The following SPATA16 variants were observed in gnomAD, a reference collection of about 807,000 sequenced individuals.
SPATA16 encodes spermatogenesis associated 16.
A neutral mutation model predicts 63.3 loss-of-function variants in SPATA16; 36 were observed. The observed-to-expected ratio is 0.57, with a 90% confidence interval of 0.44 to 0.75. The LOEUF (loss-of-function observed/expected upper bound fraction) is 0.75, where lower values mean the gene tolerates loss of function less well. Among genes scored for constraint, SPATA16 ranks in the 30% least tolerant of loss-of-function variants. SPATA16 has a pLI of 0.00. For synonymous variants in SPATA16, 203 were observed against 216.7 expected, an observed-to-expected ratio of 0.94 and a Z score of 0.56; for missense variants, 646 against 679.3, an observed-to-expected ratio of 0.95 and a Z score of 0.54.
chr3:173,113,099 G>A (rs1165389570), intron 2 of SPATA16, among the ~76,000 whole-genome samples: 1 of 152,096 alleles, frequency 6.6e-6, no homozygotes, highest in Non-Finnish European at 1.5e-5. Context: ...TGACAGCCAA[G>A]CAATTTATTA....
intron 6 of SPATA16, among the ~76,000 whole-genome samples, chr3:172,930,728 T>C (rs1732852914): frequency 1.3e-5 from 2 of 151,822 alleles, no homozygotes; most frequent in South Asian, 4.2e-4. Flanking sequence ...CTGGCTAATA[T>C]TTGTATTTTT....
chr3:172,919,347 A>G (rs552601752), intron 8 of SPATA16, among the ~76,000 whole-genome samples: 3 of 152,324 alleles, frequency 2.0e-5, no homozygotes, highest in East Asian at 3.9e-4. Flanking sequence ...TGCTGGCTGA[A>G]TGGGGTTGAG....
At chr3:173,058,258 A>T (rs1736296686) in intron 2 of SPATA16, among the ~76,000 whole-genome samples, 1 of 152,096 alleles carries the variant, frequency 6.6e-6, no homozygotes, top group Admixed American at 6.6e-5. Flanking sequence ...ATTTTATTAG[A>T]TCTCCATTTA....
At chr3:172,902,872 A>AT (rs1732151208) in intron 10 of SPATA16, among the ~76,000 whole-genome samples, 1 of 152,206 alleles carries the variant, frequency 6.6e-6, no homozygotes, top group South Asian at 2.1e-4. Context: ...ATTTTAAGAA[A>AT]ATCATAATCA....
chr3:173,123,516 C>T (rs910321236), intron 1 of SPATA16, among the ~76,000 whole-genome samples: 4 of 151,820 alleles, frequency 2.6e-5, no homozygotes, highest in African/African-American at 9.7e-5. Flanking sequence ...CTGGGTGGCA[C>T]TCCCTCTAAA....
chr3:173,024,045 G>A (rs900506452), intron 3 of SPATA16, among the ~76,000 whole-genome samples: 4 of 151,436 alleles, frequency 2.6e-5, no homozygotes, highest in African/African-American at 4.8e-5. Context: ...GAGATTCTTA[G>A]TTGATCTGTA....
chr3:173,117,041 G>A lies in SPATA16; in HGVS notation c.612+79C>T, dbSNP rs139537905. The A allele has an allele frequency of 3.9e-4, 547 of 1,388,218 alleles. 3 individuals carry two copies. The highest frequency in any genetic ancestry group is 3.5e-3 in the African/African-American group (247 of 70,562). The allele number at this position is 1,388,218 out of a possible 1,614,324, so 86.0% of individuals were successfully genotyped here. A position where few individuals can be genotyped will look rare whatever the true frequency, so the allele number is the denominator to read the frequency against. On this transcript the variant is annotated intron_variant, in intron 2 of 10. Transcript: ENST00000351008. The stretch of plus-strand genomic sequence containing the variant: ...CATGATCACTGCTTATTACAGTATG[G>A]CCAGAACCCCTCAATGTAATTGCAA...
At position 172,916,373 on chromosome 3, in the gene SPATA16, C is replaced by T. The variant is rs1216343266; in HGVS notation, c.1447G>A (p.Ala483Thr). The T allele has an allele frequency of 6.2e-7, 1 of 1,613,800 alleles. No homozygotes were observed. Reference sequence around the variant, plus strand: ...AGGTAGGGAATGGTTGCTAGCTCTGCCATTGCTTGATTAATCACCTGGGAC... The same window carrying T: ...AGGTAGGGAATGGTTGCTAGCTCTGTCATTGCTTGATTAATCACCTGGGAC... Reference protein sequence around the residue: ...EQSQVINQAMAELATIPYLQD... With the variant: ...EQSQVINQAMTELATIPYLQD... The change falls in exon 9 of 11, where the codon GCA becomes ACA. Residue 483 changes from alanine (A) to threonine (T), a missense_variant. Transcript: ENST00000351008.
intron 4 of SPATA16, among the ~76,000 whole-genome samples, chr3:172,995,341 A>T (rs1025462540): frequency 2.6e-5 from 4 of 152,024 alleles, no homozygotes; most frequent in Non-Finnish European, 4.4e-5. Flanking sequence ...ACTTTCCACA[A>T]AGGCTAGATG....
At position 173,005,327 on chromosome 3, in the gene SPATA16, G is replaced by GAA. The variant is rs531594936; in HGVS notation, c.848+14157_848+14158dup. On this transcript the variant is annotated intron_variant, in intron 4 of 10. Transcript: ENST00000351008. ...GACAGAGCAAGACTCTGTCTCAAAA[G>GAA]AAAAAAAAAAAAAAAAAAAAGAAAA... Among the ~76,000 whole-genome samples the GAA allele has an allele frequency of 4.3e-3, 342 of 78,834 alleles. 2 individuals are homozygous for GAA. The highest frequency in any genetic ancestry group is 0.014 in the African/African-American group (301 of 22,176). 51.7% of individuals were successfully genotyped at this position (78,834 alleles called of 152,430 possible).
At position 172,994,187 on chromosome 3, in the gene SPATA16, T is replaced by C. The variant is rs149141246; in HGVS notation, c.849-17135A>G. ...TCAAGATTTAGATACCAAGAGTATG[T>C]GACTCCTGGTAGGGAGCCCCCTTTG... is the stretch of plus-strand genomic sequence containing the variant. On this transcript the variant is annotated intron_variant, in intron 4 of 10. Coordinates refer to ENST00000351008, the MANE Select transcript of SPATA16 (RefSeq NM_031955.6). 1.5e-3 allele frequency among the ~76,000 whole-genome samples: 231 copies of C among 152,282 alleles called. 3 individuals are homozygous for C. The highest frequency in any genetic ancestry group is 5.3e-3 in the African/African-American group (220 of 41,568).
intron 10 of SPATA16, among the ~76,000 whole-genome samples, chr3:172,912,581 G>A (rs1451918250): frequency 2.0e-5 from 3 of 151,512 alleles, no homozygotes; most frequent in Non-Finnish European, 4.4e-5. Flanking sequence ...CAGCCAATTC[G>A]ACATGAAGAC....
chr3:172,948,878 CAAAT>C (rs1733360704), intron 6 of SPATA16, among the ~76,000 whole-genome samples: 1 of 152,106 alleles, frequency 6.6e-6, no homozygotes, highest in Non-Finnish European at 1.5e-5. Flanking sequence ...AGTTCATAAA[CAAAT>C]TATTGAGCAA....
intron 6 of SPATA16, among the ~76,000 whole-genome samples, chr3:172,956,271 T>A (rs1380524324): frequency 6.6e-6 from 1 of 152,002 alleles, no homozygotes; most frequent in Non-Finnish European, 1.5e-5. Context: ...GAAGAAGGTT[T>A]GAGATGTGAG....
chr3:172,985,579 G>A (rs1467296296), intron 4 of SPATA16, among the ~76,000 whole-genome samples: 1 of 152,142 alleles, frequency 6.6e-6, no homozygotes, highest in Non-Finnish European at 1.5e-5. Flanking sequence ...TAACTAAGAA[G>A]TACAGATCAT....
intron 2 of SPATA16, among the ~76,000 whole-genome samples, chr3:173,062,013 C>T (rs1440985102): frequency 6.6e-6 from 1 of 150,996 alleles, no homozygotes. Context: ...ATCACTCCTA[C>T]TCCTATTTGT....
chr3:172,936,607 T>C (rs1402380235), intron 6 of SPATA16, among the ~76,000 whole-genome samples: 1 of 152,234 alleles, frequency 6.6e-6, no homozygotes, highest in African/African-American at 2.4e-5. Context: ...GTCTAGCAAA[T>C]TATCAAATCT....
At chr3:173,042,131 A>G (rs1037947653) in intron 3 of SPATA16, among the ~76,000 whole-genome samples, 2 of 152,142 alleles carry the variant, frequency 1.3e-5, no homozygotes, top group East Asian at 1.9e-4. Flanking sequence ...ACTGTGATTG[A>G]TAACACCCCA....
At chr3:173,085,998 G>GT (rs60448093) in intron 2 of SPATA16, among the ~76,000 whole-genome samples, 26,571 of 150,798 alleles carry the variant, frequency 0.18, 2,548 homozygotes, top group African/African-American at 0.25. Context: ...TCTTTCTTTT[G>GT]TTTTTTTTGT....
Sources: gnomAD v4.1 joint callset for allele counts (sites outside exome capture counted in the v4.1 genomes callset) on GRCh38, gnomAD v4.1.1 for gene constraint, MANE v1.5 for transcripts, NCBI Gene and HGNC (gene_info 2026-07-23, HGNC 2026-07-21) for gene names.